The following PRKAR2A variants were observed in gnomAD, a reference collection of about 807,000 sequenced individuals.
PRKAR2A encodes the protein cAMP-dependent protein kinase type II-alpha regulatory subunit.
Under a neutral mutation model 51.9 loss-of-function variants are expected in PRKAR2A, and 29 were observed. The observed-to-expected ratio is 0.56, with a 90% confidence interval of 0.42 to 0.76. The LOEUF (loss-of-function observed/expected upper bound fraction) is 0.76. PRKAR2A is among the 30% of genes least tolerant of loss of function. The pLI is 0.00. For missense variants in PRKAR2A, 445 were observed against 512.1 expected (o/e 0.87, Z 1.26); for synonymous variants, 178 against 186.2 (o/e 0.96, Z 0.36).
rs149410899 is a variant in PRKAR2A, at chr3:48,832,444, G to A, written c.262+14891C>T. ...CAAATGCAAAATAAATAAGCTAAAA[G>A]TTTTAGTTACCAGCCTCTGAACACG... On this transcript the variant is annotated intron_variant, in intron 1 of 10. Coordinates refer to ENST00000265563, the MANE Select transcript of PRKAR2A (RefSeq NM_004157.4). Among the ~76,000 whole-genome samples, 11 of 152,098 alleles carry A rather than the reference G, an allele frequency of 7.2e-5. 1 individual carries two copies. The East Asian group carries it at 1.9e-3, about 27-fold the overall frequency.
intron 4 of PRKAR2A, 63 bp downstream of exon 4, chr3:48,790,481 G>C (rs890563870): frequency 3.2e-6 from 4 of 1,232,382 alleles, no homozygotes; most frequent in East Asian, 2.6e-5. Context: ...TAAAGTTTAA[G>C]TGACAAATAG....
rs1395725540 is a variant in PRKAR2A, at chr3:48,847,087, T to C, written c.262+248A>G. The stretch of plus-strand genomic sequence containing the variant: ...TAGCAGGGCCGACAGCGCGCACGTT[T>C]CCTTCAAGGCTGGATCTGACAAATC... On this transcript the variant is annotated intron_variant, in intron 1 of 10. Coordinates refer to ENST00000265563, the MANE Select transcript of PRKAR2A (RefSeq NM_004157.4). The surrounding 1 kb of genome is among the most constrained non-coding windows in gnomAD (Gnocchi z 4.4). Among the ~76,000 whole-genome samples, 3 of 152,216 alleles carry C rather than the reference T, an allele frequency of 2.0e-5. No homozygotes were observed. In the East Asian group the frequency reaches 5.8e-4, roughly 29 times the overall value.
intron 9 of PRKAR2A, among the ~76,000 whole-genome samples, chr3:48,755,919 C>T (rs1439050964): frequency 6.6e-6 from 1 of 151,954 alleles, no homozygotes; most frequent in Non-Finnish European, 1.5e-5. Flanking sequence ...GCTGGGACTA[C>T]AGGCGCCCGC....
intron 4 of PRKAR2A, 56 bp downstream of exon 4, chr3:48,790,488 A>G: frequency 7.7e-7 from 1 of 1,303,612 alleles, no homozygotes; most frequent in Non-Finnish European, 1.0e-6. Flanking sequence ...TAAGTGACAA[A>G]TAGGAGCAAA....
At chr3:48,836,424 A>T (rs1352253372) in intron 1 of PRKAR2A, among the ~76,000 whole-genome samples, 4 of 11,642 alleles carry the variant, frequency 3.4e-4, no homozygotes, top group African/African-American at 6.7e-4. Context: ...CCGTCTAAAA[A>T]AAAAAAAAAA....
chr3:48,804,476 A>C (rs1242808271), intron 2 of PRKAR2A, among the ~76,000 whole-genome samples: 2 of 152,092 alleles, frequency 1.3e-5, no homozygotes, highest in Non-Finnish European at 2.9e-5. Flanking sequence ...AAAAATTAAA[A>C]ATTTAAAAAC....
intron 1 of PRKAR2A, among the ~76,000 whole-genome samples, chr3:48,832,307 AAAAC>A (rs1251924407): frequency 6.6e-6 from 1 of 150,884 alleles, no homozygotes; most frequent in African/African-American, 2.4e-5. Context: ...AAAAAAAAAA[AAAAC>A]AAAAAAAAAC....
chr3:48,822,815 G>A (rs1271683369), intron 1 of PRKAR2A, among the ~76,000 whole-genome samples: 2 of 151,364 alleles, frequency 1.3e-5, no homozygotes, highest in Non-Finnish European at 1.5e-5. Flanking sequence ...CTTGATGTGG[G>A]GCCATTATCA....
At chr3:48,751,873 C>G (rs997149605) in intron 10 of PRKAR2A, among the ~76,000 whole-genome samples, 155 bp from the exon 11 acceptor site, 1 of 152,222 alleles carries the variant, frequency 6.6e-6, no homozygotes, top group Admixed American at 6.5e-5. Context: ...ATTCAGAAGA[C>G]TGTCATCCAG....
intron 5 of PRKAR2A, among the ~76,000 whole-genome samples, chr3:48,779,057 C>T (rs569759411): frequency 1.3e-5 from 2 of 151,964 alleles, no homozygotes; most frequent in South Asian, 4.2e-4. Context: ...AAACTCCTGA[C>T]CTCAAGTGCT....
At chr3:48,755,139 G>A (rs1458041172) in intron 9 of PRKAR2A, among the ~76,000 whole-genome samples, 1 of 151,332 alleles carries the variant, frequency 6.6e-6, no homozygotes, top group Non-Finnish European at 1.5e-5. Context: ...TGGGACTACA[G>A]GCGCCCGCCA....
At chr3:48,756,276 C>G in intron 9 of PRKAR2A, 103 bp downstream of exon 9, 1 of 1,013,102 alleles carries the variant, frequency 9.9e-7, no homozygotes, top group Non-Finnish European at 1.5e-6. Flanking sequence ...TCACACACCT[C>G]ACATAACAAT....
intron 1 of PRKAR2A, among the ~76,000 whole-genome samples, chr3:48,816,140 A>G (rs2082871516): frequency 6.6e-6 from 1 of 151,812 alleles, no homozygotes. Context: ...CCTTCTGCCC[A>G]GAAAAGGAAT....
At chr3:48,797,402 C>T (rs1057179050) in intron 2 of PRKAR2A, among the ~76,000 whole-genome samples, 1 of 152,122 alleles carries the variant, frequency 6.6e-6, no homozygotes, top group Non-Finnish European at 1.5e-5. Flanking sequence ...CTCCTGACCT[C>T]AAGTGATCCA....
At chr3:48,780,732 G>A (rs1435599921) in intron 5 of PRKAR2A, among the ~76,000 whole-genome samples, 1 of 151,598 alleles carries the variant, frequency 6.6e-6, no homozygotes, top group Admixed American at 6.6e-5. Context: ...GGCTCAAGAA[G>A]AAAGGCAACC....
chr3:48,783,099 G>C lies in PRKAR2A; in HGVS notation c.436-7C>G, dbSNP rs1274257679. The stretch of plus-strand genomic sequence containing the variant: ...GAACTTGAGAAAGCTGTTCCTGCAG[G>C]GTATGCACAAGAAGAAAAAAATAGC... On this transcript the variant is annotated splice_polypyrimidine_tract_variant and splice_region_variant and intron_variant, in intron 4 of 10. Transcript: ENST00000265563. 11 of 1,594,112 alleles carry C rather than the reference G, an allele frequency of 6.9e-6. No homozygotes were observed. In the East Asian group the frequency reaches 2.2e-4, roughly 32 times the overall value.
chr3:48,758,455 T>C (rs1248092633), intron 8 of PRKAR2A, among the ~76,000 whole-genome samples: 3 of 149,998 alleles, frequency 2.0e-5, no homozygotes, highest in African/African-American at 4.9e-5. Context: ...TGGTGGTGTG[T>C]GCCTGTAATC....
intron 8 of PRKAR2A, among the ~76,000 whole-genome samples, chr3:48,758,178 A>C (rs1210123161): frequency 6.6e-6 from 1 of 151,834 alleles, no homozygotes; most frequent in African/African-American, 2.4e-5. Flanking sequence ...GAATCACTTA[A>C]ACCTGGGAGG....
chr3:48,745,198 C>A (rs1434413700), downstream of PRKAR2A, among the ~76,000 whole-genome samples: 1 of 147,256 alleles, frequency 6.8e-6, no homozygotes, highest in Non-Finnish European at 1.5e-5. Context: ...TTTTCAGACA[C>A]CGTGCCAGGC....
Sources: allele counts gnomAD v4.1 joint callset (sites outside exome capture counted in the v4.1 genomes callset), GRCh38; gene constraint gnomAD v4.1.1; non-coding constraint Gnocchi (gnomAD v3.1); transcripts MANE v1.5; gene names NCBI Gene and HGNC (gene_info 2026-07-23, HGNC 2026-07-21).